KDM6A: variants seen among roughly 807,000 people sequenced by gnomAD.
KDM6A encodes the protein lysine demethylase 6A.
KDM6A carries 11 observed loss-of-function variants against 117.6 expected under a neutral mutation model. The ratio of observed to expected loss-of-function variants is 0.09; its 90% CI spans 0.06 to 0.15. The LOEUF (loss-of-function observed/expected upper bound fraction) is 0.15. Ranked by LOEUF, KDM6A falls within the 10% of genes least tolerant of loss-of-function variation. The pLI is 1.00. For missense variants in KDM6A, 799 were observed against 1,077.3 expected, an observed-to-expected ratio of 0.74 and a Z score of 3.62; for synonymous variants, 384 against 396.1, an observed-to-expected ratio of 0.97 and a Z score of 0.36.
At chrX:44,911,545 G>A (rs1029893035) in intron 2 of KDM6A, among the ~76,000 whole-genome samples, 13 of 109,715 alleles carry the variant, frequency 1.2e-4, no homozygotes, top group Non-Finnish European at 1.9e-4. Context: ...TTCCCAGACT[G>A]GGCAGCCGGG....
intron 6 of KDM6A, among the ~76,000 whole-genome samples, chrX:45,028,872 G>A (rs780587425): frequency 7.4e-4 from 83 of 112,365 alleles, no homozygotes; most frequent in Non-Finnish European, 1.3e-3. Flanking sequence ...AAAAGTGGCC[G>A]AAATACTTCA....
At chrX:45,080,665 C>A (rs1259209942) in intron 21 of KDM6A, among the ~76,000 whole-genome samples, 2 of 111,911 alleles carry the variant, frequency 1.8e-5, no homozygotes, top group African/African-American at 3.2e-5. Flanking sequence ...CCCCCTGCCG[C>A]TCCCTATATA....
intron 27 of KDM6A, among the ~76,000 whole-genome samples, chrX:45,095,384 G>A (rs964677915): frequency 2.7e-5 from 3 of 111,097 alleles, no homozygotes; most frequent in Non-Finnish European, 5.7e-5. Context: ...CCTAGGAGTT[G>A]CTGACTGTCT....
intron 2 of KDM6A, among the ~76,000 whole-genome samples, chrX:44,956,528 G>A (rs999171958): frequency 9.1e-6 from 1 of 110,327 alleles, no homozygotes; most frequent in South Asian, 3.8e-4. Flanking sequence ...AGCTTCCCAC[G>A]TAGCTGGGAT....
intron 20 of KDM6A, 132 bp downstream of exon 20, chrX:45,078,637 T>A: frequency 2.1e-6 from 1 of 477,326 alleles, no homozygotes. Flanking sequence ...TTAATTTTAC[T>A]TTTTTTTAGT....
intron 2 of KDM6A, among the ~76,000 whole-genome samples, chrX:44,885,085 G>A (rs2032727804): frequency 9.4e-6 from 1 of 105,850 alleles, no homozygotes. Context: ...CCCATGCTGA[G>A]TGCATTGGCA....
At chrX:45,087,832 G>A (rs2045709954) in intron 25 of KDM6A, among the ~76,000 whole-genome samples, 1 of 111,464 alleles carries the variant, frequency 9.0e-6, no homozygotes, top group Non-Finnish European at 1.9e-5. Flanking sequence ...CAAGTTAGAA[G>A]GAAGGGTTAG....
intron 6 of KDM6A, among the ~76,000 whole-genome samples, chrX:45,023,556 T>G (rs1375924779): frequency 8.9e-6 from 1 of 111,791 alleles, no homozygotes; most frequent in Non-Finnish European, 1.9e-5. Context: ...GACTCTTGAT[T>G]TTCTCTGTGT....
At chrX:45,084,244 A>G (rs941339077) in intron 24 of KDM6A, among the ~76,000 whole-genome samples, 2 of 111,967 alleles carry the variant, frequency 1.8e-5, no homozygotes, top group African/African-American at 6.5e-5. Flanking sequence ...AGTGAATTAC[A>G]TTGTTTTTAG....
intron 4 of KDM6A, among the ~76,000 whole-genome samples, chrX:44,993,735 G>A (rs576794418): frequency 2.7e-5 from 3 of 111,369 alleles, no homozygotes; most frequent in East Asian, 2.8e-4. Flanking sequence ...GCATGGTGGC[G>A]CGTGCCTGTA....
chrX:45,004,446 G>A (rs1162847917), intron 4 of KDM6A, among the ~76,000 whole-genome samples: 1 of 111,308 alleles, frequency 9.0e-6, no homozygotes, highest in African/African-American at 3.3e-5. Flanking sequence ...TTAGGGGACG[G>A]TCTTCTCAAC....
At chrX:44,893,001 TAAA>T (rs35013547) in intron 2 of KDM6A, among the ~76,000 whole-genome samples, 1,621 of 50,146 alleles carry the variant, frequency 0.032, 20 homozygotes, top group Non-Finnish European at 0.047. Flanking sequence ...AGACTCCATC[TAAA>T]AAAAAAAAAA....
At chrX:44,964,032 A>T (rs764696446) in intron 3 of KDM6A, among the ~76,000 whole-genome samples, 1 of 110,608 alleles carries the variant, frequency 9.0e-6, no homozygotes, top group Non-Finnish European at 1.9e-5. Flanking sequence ...TTTGACCTCA[A>T]ATGTTCTTAA....
intron 2 of KDM6A, among the ~76,000 whole-genome samples, chrX:44,885,962 T>C (rs2032829787): frequency 8.9e-6 from 1 of 111,764 alleles, no homozygotes; most frequent in Non-Finnish European, 1.9e-5. Context: ...TTTTCACTTT[T>C]AAGCATATTC....
At chrX:44,947,498 C>T (rs1368022322) in intron 2 of KDM6A, among the ~76,000 whole-genome samples, 1 of 109,092 alleles carries the variant, frequency 9.2e-6, no homozygotes, top group Non-Finnish European at 1.9e-5. Context: ...GCCTCAGCCT[C>T]CAGAGTAGCT....
rs1013181500 is a variant in KDM6A, at chrX:45,033,245, A to C, written c.565-1686A>C. Among the ~76,000 whole-genome samples the C allele has an allele frequency of 2.7e-5, 3 of 112,224 alleles. No individual in the cohort carries two copies. The East Asian group carries it at 8.4e-4, about 32-fold the overall frequency. On this transcript the variant is annotated intron_variant, in intron 6 of 29. Coordinates refer to ENST00000611820, the MANE Select transcript of KDM6A (RefSeq NM_001291415.2). ...CATGCTTTGCTTTCATAGTACTCAA[A>C]CGTTTTAAAATAGTCTGTTCTCTAT...
intron 2 of KDM6A, among the ~76,000 whole-genome samples, chrX:44,894,684 C>T (rs974491162): frequency 1.9e-5 from 2 of 107,575 alleles, no homozygotes; most frequent in African/African-American, 3.4e-5. Flanking sequence ...GGCGTGATCT[C>T]GGCTCACTGC....
chrX:45,026,404 AG>A (rs2042365987), intron 6 of KDM6A, among the ~76,000 whole-genome samples: 1 of 112,252 alleles, frequency 8.9e-6, no homozygotes, highest in South Asian at 3.6e-4. Flanking sequence ...ATATTTAGGC[AG>A]AAGGAATACA....
In KDM6A at chrX:45,023,131, C is replaced by T. The variant is rs57517932; in HGVS notation, c.564+2401C>T. Among the ~76,000 whole-genome samples the T allele has an allele frequency of 2.3e-3, 252 of 111,805 alleles. 10 individuals are homozygous for T. In the East Asian group the frequency reaches 0.056, roughly 25 times the overall value. ...TGTGGTTGCTCTTAGACTAGTTATG[C>T]CCAGTCTTTGAGAATTGTTCAAATC... On this transcript the variant is annotated intron_variant, in intron 6 of 29. Coordinates refer to ENST00000611820, the MANE Select transcript of KDM6A (RefSeq NM_001291415.2).
Sources: allele counts gnomAD v4.1 joint callset (sites outside exome capture counted in the v4.1 genomes callset), GRCh38; gene constraint gnomAD v4.1.1; transcripts MANE v1.5; gene names NCBI Gene and HGNC (gene_info 2026-07-23, HGNC 2026-07-21).